The following HDX variants were observed in gnomAD, a reference collection of about 807,000 sequenced individuals.
The protein encoded by HDX is chromosome X open reading frame 43.
Under a neutral mutation model 45.2 loss-of-function variants are expected in HDX, and 19 were observed. The ratio of observed to expected loss-of-function variants is 0.42; its 90% confidence interval spans 0.29 to 0.62. The LOEUF is 0.62. HDX is among the 20% of genes least tolerant of loss of function. HDX has a pLI of 0.20. For synonymous variants in HDX, 188 were observed against 172.8 expected (o/e 1.09, Z -0.69); for missense variants, 532 against 493.9 (o/e 1.08, Z -0.73).
intron 5 of HDX, among the ~76,000 whole-genome samples, chrX:84,435,121 C>T (rs2039592817): frequency 9.0e-6 from 1 of 110,829 alleles, no homozygotes; most frequent in Non-Finnish European, 1.9e-5. Flanking sequence ...CTTTTTGTTT[C>T]ATTGATATTT....
chrX:84,497,046 C>A (rs186178270), intron 1 of HDX, among the ~76,000 whole-genome samples: 2 of 111,562 alleles, frequency 1.8e-5, no homozygotes, highest in East Asian at 5.7e-4. Flanking sequence ...AAGTGTTTGG[C>A]AGTTCCCACC....
At position 84,319,036 on chromosome X, in the gene HDX, T is replaced by A. The variant is rs1383143587; in HGVS notation, c.*2853A>T. The A allele has an allele frequency of 9.0e-6, 1 of 111,197 alleles. No homozygotes were observed. The highest frequency in any genetic ancestry group is 2.8e-4 in the East Asian group (1 of 3,566). The allele number at this position is 111,197 out of a possible 1,213,427, so 9.2% of individuals were successfully genotyped here. On this transcript the variant is annotated 3_prime_UTR_variant, in exon 11 of 11. Transcript: ENST00000373177. ...TTTCATATGTACACATTTTGGAAGG[T>A]AAGTGCTCTTACATACACATTTCTG... is the stretch of plus-strand genomic sequence containing the variant.
At chrX:84,368,955 T>A (rs780735734) in intron 5 of HDX, among the ~76,000 whole-genome samples, 1 of 110,922 alleles carries the variant, frequency 9.0e-6, no homozygotes, top group East Asian at 2.9e-4. Flanking sequence ...GTGCCGCCAC[T>A]GATCTGTCAG....
At chrX:84,373,456 A>G (rs915991866) in intron 5 of HDX, among the ~76,000 whole-genome samples, 4 of 111,229 alleles carry the variant, frequency 3.6e-5, no homozygotes, top group Non-Finnish European at 7.5e-5. Context: ...GACACAACCA[A>G]AAAAGAGAAT....
chrX:84,360,172 G>T (rs1236485572), intron 6 of HDX, among the ~76,000 whole-genome samples: 2 of 111,565 alleles, frequency 1.8e-5, no homozygotes, highest in Admixed American at 9.5e-5. Flanking sequence ...CAACAAACAT[G>T]AGAAAAAGCT....
intron 5 of HDX, among the ~76,000 whole-genome samples, chrX:84,434,904 T>C (rs1467783451): frequency 5.4e-5 from 6 of 111,420 alleles, no homozygotes; most frequent in Non-Finnish European, 1.1e-4. Flanking sequence ...TAGTAAGTCA[T>C]ATGTATCCAG....
intron 5 of HDX, among the ~76,000 whole-genome samples, chrX:84,415,410 T>C (rs2039080928): frequency 8.9e-6 from 1 of 111,763 alleles, no homozygotes; most frequent in Non-Finnish European, 1.9e-5. Context: ...TTGTTGTTGG[T>C]AATGGTAGCA....
chrX:84,426,663 G>C (rs1014346603), intron 5 of HDX, among the ~76,000 whole-genome samples: 20 of 110,502 alleles, frequency 1.8e-4, no homozygotes, highest in African/African-American at 6.6e-4. Context: ...GGGGAAATGG[G>C]AAGATGGTCA....
chrX:84,484,917 G>C (rs1346405524), intron 2 of HDX, among the ~76,000 whole-genome samples: 2 of 111,433 alleles, frequency 1.8e-5, no homozygotes, highest in African/African-American at 6.5e-5. Flanking sequence ...ATACAAGCAA[G>C]TAATGTTAAA....
intron 4 of HDX, among the ~76,000 whole-genome samples, chrX:84,465,863 C>G: frequency 9.0e-6 from 1 of 111,650 alleles, no homozygotes; most frequent in East Asian, 2.8e-4. Flanking sequence ...ATTCTAAGCT[C>G]TGATCCAAGA....
In HDX at chrX:84,426,640, G is replaced by T. The variant is rs760063207; in HGVS notation, c.1305+13892C>A. 1.0e-4 allele frequency among the ~76,000 whole-genome samples: 11 copies of T among 110,422 alleles called. No homozygotes were observed. In the South Asian group the frequency reaches 3.9e-3, roughly 39 times the overall value. ...AGAAAGTAGAACAATGGTTATTAGG[G>T]GTGGGGGATATGGGGGAAATGGGAA... is the stretch of plus-strand genomic sequence containing the variant. On this transcript the variant is annotated intron_variant, in intron 5 of 10. Coordinates refer to ENST00000373177, the MANE Select transcript of HDX (RefSeq NM_001177479.2).
At chrX:84,437,662 C>T (rs563783335) in intron 5 of HDX, among the ~76,000 whole-genome samples, 3 of 110,735 alleles carry the variant, frequency 2.7e-5, no homozygotes, top group African/African-American at 9.9e-5. Flanking sequence ...GAGATACCTA[C>T]CCCCATTGGT....
At chrX:84,427,259 C>T (rs1239528717) in intron 5 of HDX, among the ~76,000 whole-genome samples, 1 of 110,605 alleles carries the variant, frequency 9.0e-6, no homozygotes, top group East Asian at 2.8e-4. Flanking sequence ...GATTCAAATA[C>T]CTGGGTTCTC....
At chrX:84,412,346 A>C (rs2039008232) in intron 5 of HDX, among the ~76,000 whole-genome samples, 1 of 111,329 alleles carries the variant, frequency 9.0e-6, no homozygotes, top group Admixed American at 9.6e-5. Flanking sequence ...CTTATAAGGC[A>C]GGTCTGGTAT....
At chrX:84,429,379 G>T (rs1401984231) in intron 5 of HDX, among the ~76,000 whole-genome samples, 1 of 110,138 alleles carries the variant, frequency 9.1e-6, no homozygotes, top group Non-Finnish European at 1.9e-5. Context: ...AGTTTTCAGG[G>T]CAGAGGTTTT....
intron 6 of HDX, among the ~76,000 whole-genome samples, chrX:84,347,490 G>A (rs188888479): frequency 2.7e-5 from 3 of 110,866 alleles, no homozygotes; most frequent in African/African-American, 9.8e-5. Flanking sequence ...TTGGTATTTT[G>A]TTCCTTTTGT....
At chrX:84,456,918 A>T (rs1192945171) in intron 4 of HDX, among the ~76,000 whole-genome samples, 1 of 111,741 alleles carries the variant, frequency 8.9e-6, no homozygotes, top group Non-Finnish European at 1.9e-5. Context: ...AGACTCCAAC[A>T]TAACATCTAG....
At chrX:84,419,125 C>G (rs1322611329) in intron 5 of HDX, among the ~76,000 whole-genome samples, 1 of 111,528 alleles carries the variant, frequency 9.0e-6, no homozygotes, top group Non-Finnish European at 1.9e-5. Context: ...CCCTGAATAA[C>G]AAGCAATGAT....
intron 4 of HDX, among the ~76,000 whole-genome samples, chrX:84,462,293 A>G (rs750203075): frequency 1.8e-5 from 2 of 112,367 alleles, no homozygotes; most frequent in African/African-American, 6.4e-5. Flanking sequence ...GTGAATAGAT[A>G]AAGAAAATGT....
Sources: allele counts gnomAD v4.1 joint callset (sites outside exome capture counted in the v4.1 genomes callset), GRCh38; gene constraint gnomAD v4.1.1; transcripts MANE v1.5; gene names NCBI Gene and HGNC (gene_info 2026-07-23, HGNC 2026-07-21).